The following EVI5 variants were observed in gnomAD, a reference collection of about 807,000 sequenced individuals.
The protein encoded by EVI5 is ecotropic viral integration site 5 protein homolog.
A neutral mutation model predicts 112.0 loss-of-function variants in EVI5; 73 were observed. That is an observed-to-expected ratio of 0.65 (90% confidence interval 0.54 to 0.79). The LOEUF (loss-of-function observed/expected upper bound fraction) is 0.79, where lower values mean the gene tolerates loss of function less well. Among genes scored for constraint, EVI5 ranks in the 30% least tolerant of loss-of-function variants. The pLI, the probability that EVI5 is intolerant of heterozygous loss-of-function variation, is 0.00. For synonymous variants in EVI5, 305 were observed against 319.9 expected, an observed-to-expected ratio of 0.95 and a Z score of 0.50; for missense variants, 900 against 968.8, an observed-to-expected ratio of 0.93 and a Z score of 0.94.
chr1:92,518,556 A>T (rs1660351093), intron 19 of EVI5, among the ~76,000 whole-genome samples: 2 of 152,078 alleles, frequency 1.3e-5, no homozygotes. Context: ...TTAGTTCCCT[A>T]GTCTTGAAGT....
intron 14 of EVI5, among the ~76,000 whole-genome samples, chr1:92,627,735 G>A (rs1655994866): frequency 6.6e-6 from 1 of 151,674 alleles, no homozygotes; most frequent in African/African-American, 2.4e-5. Context: ...GAAGTAAGAT[G>A]GTATTACATT....
At chr1:92,544,758 C>A (rs1665404009) in intron 19 of EVI5, among the ~76,000 whole-genome samples, 1 of 152,108 alleles carries the variant, frequency 6.6e-6, no homozygotes, top group Admixed American at 6.6e-5. Context: ...CCACTGAACC[C>A]AAATAAGCTT....
At chr1:92,698,140 C>T (rs1166441945) in intron 5 of EVI5, among the ~76,000 whole-genome samples, 155 bp from the exon 6 acceptor site, 2 of 152,166 alleles carry the variant, frequency 1.3e-5, no homozygotes, top group Non-Finnish European at 2.9e-5. Flanking sequence ...TCAGAAAGTT[C>T]TAGTCTCCCA....
At chr1:92,645,927 C>A (rs1660859248) in intron 13 of EVI5, among the ~76,000 whole-genome samples, 1 of 152,176 alleles carries the variant, frequency 6.6e-6, no homozygotes, top group African/African-American at 2.4e-5. Context: ...AGTCTCAAGG[C>A]AACCACAACT....
chr1:92,717,499 G>A (rs924920369), intron 2 of EVI5, among the ~76,000 whole-genome samples: 1 of 152,154 alleles, frequency 6.6e-6, no homozygotes, highest in African/African-American at 2.4e-5. Flanking sequence ...AATGCTGAGA[G>A]ATTTTGTCAC....
At chr1:92,664,459 A>G (rs1294463804) in intron 11 of EVI5, among the ~76,000 whole-genome samples, 1 of 146,040 alleles carries the variant, frequency 6.8e-6, no homozygotes, top group Non-Finnish European at 1.5e-5. Flanking sequence ...ATCCTTTCCC[A>G]GTTTAAATGT....
rs548853877 is a variant in EVI5 at position 92,624,080 on chromosome 1, T to C, written c.1827+96A>G. On this transcript the variant is annotated intron_variant, in intron 16 of 19. Coordinates refer to ENST00000684568, the MANE Select transcript of EVI5 (RefSeq NM_001350197.2). ...TGCGGTCTATACAGCTTCATATCTT[T>C]ACCTTTTATCTCTGTTCTAGGGATG... is the stretch of plus-strand genomic sequence containing the variant. 5.3e-6 allele frequency: 6 copies of C among 1,123,432 alleles called. No individual in the cohort carries two copies. In the Admixed American group the frequency reaches 1.3e-4, roughly 25 times the overall value. 69.6% of individuals were successfully genotyped at this position (1,123,432 alleles called of 1,614,324 possible).
chr1:92,720,658 A>C (rs1479314068), intron 2 of EVI5, among the ~76,000 whole-genome samples: 1 of 152,216 alleles, frequency 6.6e-6, no homozygotes, highest in African/African-American at 2.4e-5. Flanking sequence ...TGGCAACAAA[A>C]GCCAAAATTA....
At chr1:92,546,912 C>T (rs149509697) in intron 19 of EVI5, among the ~76,000 whole-genome samples, 3,906 of 152,160 alleles carry the variant, frequency 0.026, 147 homozygotes, top group African/African-American at 0.079. Context: ...GACTTTAACA[C>T]CCCACTGTCA....
At chr1:92,760,947 A>T (rs976614789) in intron 1 of EVI5, among the ~76,000 whole-genome samples, 6 of 143,080 alleles carry the variant, frequency 4.2e-5, no homozygotes, top group African/African-American at 1.6e-4. Context: ...AGTCCCAGCT[A>T]CTCAGAAGGC....
intron 13 of EVI5, among the ~76,000 whole-genome samples, chr1:92,657,829 G>A (rs901309376): frequency 3.3e-5 from 5 of 152,214 alleles, no homozygotes; most frequent in Non-Finnish European, 7.3e-5. Context: ...TTTACTCATT[G>A]AGGAAGGCGA....
chr1:92,697,868 T>TA lies in EVI5; in HGVS notation c.756dup (p.Met253TyrfsTer46). The TA allele has an allele frequency of 6.2e-7, 1 of 1,612,484 alleles. No homozygotes were observed. The stretch of plus-strand genomic sequence containing the variant: ...CAACACTGCACTTTTACCTGTATCA[T>TA]ACATTCAAACTGGTACATACAAAGG... On this transcript the variant is annotated frameshift_variant, in exon 6 of 20. Coordinates refer to ENST00000684568, the MANE Select transcript of EVI5 (RefSeq NM_001350197.2). LOFTEE classifies it high-confidence loss of function.
chr1:92,749,841 C>T (rs1307107161), intron 1 of EVI5, among the ~76,000 whole-genome samples: 8 of 152,164 alleles, frequency 5.3e-5, no homozygotes, highest in African/African-American at 1.9e-4. Context: ...AGGGGGCCCA[C>T]AGCCTCAGAT....
At chr1:92,602,415 A>C (rs1055374018) in intron 18 of EVI5, among the ~76,000 whole-genome samples, 4 of 152,104 alleles carry the variant, frequency 2.6e-5, no homozygotes, top group Non-Finnish European at 5.9e-5. Flanking sequence ...TTTTTTTTTG[A>C]GACAAGGTCT....
chr1:92,583,532 A>G (rs974551421), intron 18 of EVI5, among the ~76,000 whole-genome samples: 2 of 150,924 alleles, frequency 1.3e-5, no homozygotes, highest in South Asian at 2.1e-4. Context: ...AAAAAAAAAA[A>G]AAAAATTAGA....
intron 16 of EVI5, among the ~76,000 whole-genome samples, chr1:92,620,566 T>C (rs1654319228): frequency 6.6e-6 from 1 of 151,872 alleles, no homozygotes; most frequent in South Asian, 2.1e-4. Context: ...AAATAAGAAT[T>C]ACAACAGAAT....
At chr1:92,673,131 T>C (rs1214245721) in intron 10 of EVI5, among the ~76,000 whole-genome samples, 2 of 151,698 alleles carry the variant, frequency 1.3e-5, no homozygotes, top group African/African-American at 2.4e-5. Context: ...TCAATTCTAA[T>C]ACTTCACATT....
intron 1 of EVI5, chr1:92,756,326 GA>G: frequency 2.1e-6 from 1 of 477,308 alleles, no homozygotes. Flanking sequence ...GATTTGCCTG[GA>G]AAAGATTAAA....
At position 92,774,908 on chromosome 1, in the gene EVI5, G is replaced by A. The variant is rs532701162; in HGVS notation, c.-82+9928C>T. On this transcript the variant is annotated intron_variant, in intron 1 of 19. Coordinates refer to ENST00000684568, the MANE Select transcript of EVI5 (RefSeq NM_001350197.2). ...AGTAGCAATACCTAGTGAGAAATGA[G>A]ATGACACTTTGCAAGCAAACTTAGG... Among the ~76,000 whole-genome samples, 12 of 152,316 alleles carry A rather than the reference G, an allele frequency of 7.9e-5. No individual in the cohort carries two copies. In the South Asian group the frequency reaches 2.5e-3, roughly 32 times the overall value.
Sources: gnomAD v4.1 joint callset for allele counts (sites outside exome capture counted in the v4.1 genomes callset) on GRCh38, gnomAD v4.1.1 for gene constraint, MANE v1.5 for transcripts, NCBI Gene and HGNC (gene_info 2026-07-23, HGNC 2026-07-21) for gene names.